The following RGS5 variants were observed in gnomAD, a reference collection of about 807,000 sequenced individuals.
RGS5 encodes regulator of G-protein signalling 5.
In RGS5, 20 loss-of-function variants were observed where a neutral mutation model predicts 18.9. The ratio of observed to expected loss-of-function variants is 1.06; its 90% CI spans 0.74 to 1.54. RGS5 has a LOEUF of 1.54. Ranked by LOEUF, RGS5 falls within the 40% of genes most tolerant of loss-of-function variation. The pLI is 0.00. For synonymous variants in RGS5, 57 were observed against 76.2 expected (o/e 0.75, Z 1.31); for missense variants, 201 against 211.8 (o/e 0.95, Z 0.32).
At chr1:163,213,729 C>T (rs1461033225) in intron 1 of RGS5, among the ~76,000 whole-genome samples, 2 of 152,162 alleles carry the variant, frequency 1.3e-5, no homozygotes, top group Admixed American at 6.5e-5. Context: ...AGAACTTCAA[C>T]TGCAGGATCA....
intron 2 of RGS5, among the ~76,000 whole-genome samples, chr1:163,224,141 A>C (rs1202226473): frequency 6.6e-6 from 1 of 152,062 alleles, no homozygotes; most frequent in Non-Finnish European, 1.5e-5. Context: ...CTACTGTGCA[A>C]TAGAACACCA....
Position 163,168,244 on chromosome 1 carries a change from T to A in RGS5, c.155+14A>T, listed in dbSNP as rs1658141272. On this transcript the variant is annotated intron_variant, in intron 2 of 4. Coordinates refer to ENST00000313961, the MANE Select transcript of RGS5 (RefSeq NM_003617.4). ...CTCTGGAGGAAATGAGTGGAATCCA[T>A]ATTCATGACTCACTTCTGGGTCTTG... The A allele has an allele frequency of 6.3e-7, 1 of 1,584,666 alleles. No homozygotes were observed. The highest frequency in any genetic ancestry group is 1.1e-5 in the South Asian group (1 of 90,412).
In RGS5 at chr1:163,213,484, C is replaced by G. The variant is rs139064249; in HGVS notation, c.69+4042G>C. On this transcript the variant is annotated intron_variant, in intron 1 of 5. Transcript: ENST00000367903. ...GTGTAATGCTAACTTGATGATGGAT[C>G]TTCATAACCATGAGGCAGCAAGCAT... 3.0e-3 allele frequency among the ~76,000 whole-genome samples: 460 copies of G among 152,188 alleles called. 3 individuals carry two copies. The highest frequency in any genetic ancestry group is 0.013 in the Admixed American group (200 of 15,294).
intron 2 of RGS5, among the ~76,000 whole-genome samples, chr1:163,262,959 G>A (rs1046121115): frequency 2.0e-5 from 3 of 152,130 alleles, no homozygotes; most frequent in South Asian, 2.1e-4. Flanking sequence ...GCATGGAGGT[G>A]CAATTAATTT....
intron 1 of RGS5, among the ~76,000 whole-genome samples, chr1:163,170,388 T>TGGGA (rs1372478856): frequency 6.6e-6 from 1 of 152,204 alleles, no homozygotes; most frequent in Non-Finnish European, 1.5e-5. Context: ...TTTACAAATC[T>TGGGA]GCTAACATTT....
chr1:163,209,942 G>A (rs180972353), intron 1 of RGS5, among the ~76,000 whole-genome samples: 6 of 151,904 alleles, frequency 3.9e-5, no homozygotes, highest in Admixed American at 3.3e-4. Flanking sequence ...CAATAAGTAT[G>A]ATATTGGTTT....
intron 3 of RGS5, among the ~76,000 whole-genome samples, chr1:163,160,187 G>A (rs774240255): frequency 2.6e-5 from 4 of 152,036 alleles, no homozygotes; most frequent in Non-Finnish European, 5.9e-5. Flanking sequence ...TTATATATGG[G>A]CACATAAATA....
intron 1 of RGS5, among the ~76,000 whole-genome samples, chr1:163,175,325 T>C (rs1207778009): frequency 6.6e-6 from 1 of 152,302 alleles, no homozygotes; most frequent in African/African-American, 2.4e-5. Flanking sequence ...TGCGCGGGCC[T>C]ATCAAGAGGG....
intron 4 of RGS5, among the ~76,000 whole-genome samples, chr1:163,149,285 G>T (rs1415995667): frequency 6.6e-6 from 1 of 152,064 alleles, no homozygotes; most frequent in East Asian, 1.9e-4. Flanking sequence ...CTATAACATA[G>T]ATTTCTCCAT....
At chr1:163,302,598 CCCT>C (rs1275324376) in intron 2 of RGS5, among the ~76,000 whole-genome samples, 7 of 152,138 alleles carry the variant, frequency 4.6e-5, no homozygotes, top group Admixed American at 2.6e-4. Context: ...TAGCCTTCTT[CCCT>C]CCTACCTCTG....
intron 2 of RGS5, chr1:163,304,866 T>C (rs1056262581): frequency 1.3e-5 from 2 of 152,232 alleles, no homozygotes; most frequent in African/African-American, 2.4e-5. Flanking sequence ...TAGTCTTCAA[T>C]TGTGTGTAGC....
At chr1:163,304,413 G>A (rs41272007) in intron 2 of RGS5, 13,564 of 152,202 alleles carry the variant, frequency 0.089, 676 homozygotes, top group African/African-American at 0.13. Flanking sequence ...AAAACAGCTC[G>A]AGAAACTAAT....
chr1:163,293,934 C>A (rs1230164918), intron 2 of RGS5, among the ~76,000 whole-genome samples: 1 of 152,210 alleles, frequency 6.6e-6, no homozygotes, highest in Admixed American at 6.5e-5. Flanking sequence ...GGCTCCATGT[C>A]TCACATCCAG....
intron 1 of RGS5, among the ~76,000 whole-genome samples, chr1:163,168,889 T>C (rs1469804328): frequency 6.6e-6 from 1 of 152,032 alleles, no homozygotes; most frequent in African/African-American, 2.4e-5. Context: ...TACTTTAAGT[T>C]TTAGGGTACC....
intron 4 of RGS5, among the ~76,000 whole-genome samples, chr1:163,151,448 A>G (rs1657368814): frequency 6.6e-6 from 1 of 152,220 alleles, no homozygotes; most frequent in African/African-American, 2.4e-5. Context: ...CAGTTCGGAC[A>G]CTGAGATACT....
intron 2 of RGS5, among the ~76,000 whole-genome samples, chr1:163,300,227 G>C (rs1649518529): frequency 6.6e-6 from 1 of 152,184 alleles, no homozygotes; most frequent in African/African-American, 2.4e-5. Context: ...AGAGGGCAGT[G>C]GTCTTGTGAT....
intron 2 of RGS5, among the ~76,000 whole-genome samples, chr1:163,273,878 C>T (rs1648784028): frequency 6.6e-6 from 1 of 152,126 alleles, no homozygotes; most frequent in South Asian, 2.1e-4. Flanking sequence ...TTTGGGAAAT[C>T]TGATTCTCTG....
intron 1 of RGS5, among the ~76,000 whole-genome samples, chr1:163,171,858 T>C (rs1021745324): frequency 6.6e-6 from 1 of 152,284 alleles, no homozygotes; most frequent in Admixed American, 6.5e-5. Flanking sequence ...GGAGAGGTCT[T>C]AGATGTGGAA....
chr1:163,232,217 T>A (rs184296465), intron 2 of RGS5, among the ~76,000 whole-genome samples: 240 of 152,306 alleles, frequency 1.6e-3, no homozygotes, highest in African/African-American at 5.5e-3. Context: ...GGGATGAAGA[T>A]TTGTCAATTG....
Sources: allele counts gnomAD v4.1 joint callset (sites outside exome capture counted in the v4.1 genomes callset), GRCh38; gene constraint gnomAD v4.1.1; transcripts MANE v1.5; gene names NCBI Gene and HGNC (gene_info 2026-07-23, HGNC 2026-07-21).